The following GRB10 variants were observed in gnomAD, a reference collection of about 807,000 sequenced individuals.
GRB10 encodes growth factor receptor-bound protein 10.
Under a neutral mutation model 80.9 loss-of-function variants are expected in GRB10, and 20 were observed. The observed-to-expected ratio is 0.25, with a 90% confidence interval of 0.17 to 0.36. The LOEUF is 0.36. GRB10 is among the 10% of genes least tolerant of loss of function. The pLI is 1.00. For synonymous variants in GRB10, 291 were observed against 291.5 expected, an observed-to-expected ratio of 1.00 and a Z score of 0.02; for missense variants, 548 against 747.7, an observed-to-expected ratio of 0.73 and a Z score of 3.12.
At chr7:50,752,232 G>A (rs1256107884) in intron 3 of GRB10, among the ~76,000 whole-genome samples, 13 of 152,104 alleles carry the variant, frequency 8.5e-5, no homozygotes, top group Non-Finnish European at 1.9e-4. Flanking sequence ...GAAAAAATGA[G>A]GGGCTACAAA....
At chr7:50,729,487 G>A (rs1587589021) in intron 4 of GRB10, 1 of 152,138 alleles carries the variant, frequency 6.6e-6, no homozygotes, top group Admixed American at 6.5e-5. Context: ...GCTGGACATG[G>A]TTAAGAATTA....
At chr7:50,642,626 T>C (rs181789498) in intron 7 of GRB10, among the ~76,000 whole-genome samples, 1 of 152,316 alleles carries the variant, frequency 6.6e-6, no homozygotes, top group East Asian at 1.9e-4. Context: ...TGGAGCATTT[T>C]GGATTTTCAG....
At chr7:50,638,338 A>C (rs2055466612) in intron 7 of GRB10, among the ~76,000 whole-genome samples, 1 of 152,192 alleles carries the variant, frequency 6.6e-6, no homozygotes, top group Non-Finnish European at 1.5e-5. Context: ...AAATATTTGC[A>C]AATTATGACA....
At chr7:50,672,100 C>T (rs768728832) in intron 6 of GRB10, among the ~76,000 whole-genome samples, 10 of 152,232 alleles carry the variant, frequency 6.6e-5, no homozygotes, top group Non-Finnish European at 8.8e-5. Flanking sequence ...GCTCACCCAT[C>T]GGCTTTCCTA....
At chr7:50,789,593 C>G (rs1015421101) in intron 1 of GRB10, among the ~76,000 whole-genome samples, 1 of 152,144 alleles carries the variant, frequency 6.6e-6, no homozygotes, top group Non-Finnish European at 1.5e-5. Flanking sequence ...CCCCAGCGCC[C>G]GTTCTCAGGC....
rs1366044539 is a variant in GRB10, at chr7:50,592,336, T to C, written c.*616A>G. 1 of 154,782 alleles carries C rather than the reference T, an allele frequency of 6.5e-6. No individual in the cohort carries two copies. The highest frequency in any genetic ancestry group is 2.4e-5 in the African/African-American group (1 of 41,434). 9.6% of individuals were successfully genotyped at this position (154,782 alleles called of 1,614,324 possible). On this transcript the variant is annotated 3_prime_UTR_variant, in exon 19 of 19. Transcript: ENST00000401949. ...CACCTTTTATTTTAACAAGAAAGCT[T>C]TTCAAGTATACTGGGAAGGGCTGGG... is the stretch of plus-strand genomic sequence containing the variant.
chr7:50,618,253 C>T lies in GRB10; in HGVS notation c.778-114G>A, dbSNP rs564577443. The T allele has an allele frequency of 1.3e-5, 10 of 783,222 alleles. No individual in the cohort carries two copies. In the South Asian group the frequency reaches 1.3e-4, roughly 10 times the overall value. 48.5% of individuals were successfully genotyped at this position (783,222 alleles called of 1,614,324 possible). A position where few individuals can be genotyped will look rare whatever the true frequency, so the allele number is the denominator to read the frequency against. On this transcript the variant is annotated intron_variant, in intron 9 of 18. Coordinates refer to ENST00000401949, the MANE Select transcript of GRB10 (RefSeq NM_001350814.2). Reference sequence around the variant, plus strand: ...TTCCTACCAGTATAATTACATACACCTGTATTTAAAATGGCGGTCCTTTTT... The same window carrying T: ...TTCCTACCAGTATAATTACATACACTTGTATTTAAAATGGCGGTCCTTTTT...
chr7:50,759,514 AC>A (rs757493106), intron 2 of GRB10, among the ~76,000 whole-genome samples: 1 of 152,180 alleles, frequency 6.6e-6, no homozygotes, highest in Non-Finnish European at 1.5e-5. Context: ...ACTTCCATTC[AC>A]TTTAAAACAT....
chr7:50,639,550 G>A (rs573450052), intron 7 of GRB10, among the ~76,000 whole-genome samples: 118 of 152,286 alleles, frequency 7.7e-4, no homozygotes, highest in Non-Finnish European at 1.4e-3. Flanking sequence ...GCAGGCGCCT[G>A]TAGTCCCAGC....
rs769545685 is a variant in GRB10 at position 50,732,129 on chromosome 7, T to C, written c.51+143A>G. 8.4e-5 allele frequency: 69 copies of C among 824,422 alleles called. No homozygotes were observed. The Middle Eastern group carries it at 1.0e-3, about 12-fold the overall frequency. 51.1% of individuals were successfully genotyped at this position (824,422 alleles called of 1,614,324 possible). The stretch of plus-strand genomic sequence containing the variant: ...GAAAGGGCAGTGGGCCTCTGCACCA[T>C]GGGACTTGTCACCAGCCCCTGCTCC... On this transcript the variant is annotated intron_variant, in intron 4 of 18. Coordinates refer to ENST00000401949, the MANE Select transcript of GRB10 (RefSeq NM_001350814.2).
chr7:50,716,520 T>C (rs2066896104), intron 4 of GRB10, among the ~76,000 whole-genome samples: 1 of 151,954 alleles, frequency 6.6e-6, no homozygotes, highest in Non-Finnish European at 1.5e-5. Flanking sequence ...GATACAGAAA[T>C]GTCCAAGATG....
intron 2 of GRB10, among the ~76,000 whole-genome samples, chr7:50,764,019 G>A (rs183492653): frequency 7.9e-5 from 12 of 152,342 alleles, no homozygotes; most frequent in African/African-American, 2.4e-4. Context: ...TCCCATGCTG[G>A]AGTCACCTCA....
At chr7:50,709,710 C>G (rs970338482) in intron 4 of GRB10, among the ~76,000 whole-genome samples, 5 of 151,974 alleles carry the variant, frequency 3.3e-5, no homozygotes, top group African/African-American at 1.2e-4. Context: ...AAAAGTGACT[C>G]GTGGGAGGAA....
chr7:50,669,777 C>G lies in GRB10; in HGVS notation c.449G>C (p.Ser150Thr), dbSNP rs545374195. ...AGAACCCGGCGTGAGCACAGGGGGGCTCCCAGGGCCACAGAGTTCAGGAAA... is the reference window on the plus strand; with the variant it reads ...AGAACCCGGCGTGAGCACAGGGGGGGTCCCAGGGCCACAGAGTTCAGGAAA... ...NPFPELCGPG[S>T]PPVLTPGSLP... Residue 150 changes from serine to threonine, a missense_variant, in exon 7 of 19, where the codon AGC (serine) becomes ACC (threonine). Physicochemically the swap from Ser to Thr is moderately conservative, Grantham distance 58 (BLOSUM62 1). Coordinates refer to ENST00000401949, the MANE Select transcript of GRB10 (RefSeq NM_001350814.2). 1.7e-5 allele frequency: 27 copies of G among 1,614,018 alleles called. No individual in the cohort carries two copies. In the South Asian group the frequency reaches 2.2e-4, roughly 13 times the overall value.
intron 8 of GRB10, among the ~76,000 whole-genome samples, chr7:50,619,568 A>G (rs2051283370): frequency 6.6e-6 from 1 of 152,244 alleles, no homozygotes; most frequent in African/African-American, 2.4e-5. Flanking sequence ...TAAGACTCTT[A>G]GCAAATGATT....
intron 2 of GRB10, among the ~76,000 whole-genome samples, chr7:50,776,181 G>A (rs2077618842): frequency 6.6e-6 from 1 of 152,072 alleles, no homozygotes; most frequent in African/African-American, 2.4e-5. Flanking sequence ...TACAACCTGG[G>A]CAAGCTAAAA....
intron 5 of GRB10, among the ~76,000 whole-genome samples, chr7:50,689,486 G>T (rs2062521115): frequency 1.3e-5 from 2 of 152,178 alleles, no homozygotes; most frequent in South Asian, 4.2e-4. Flanking sequence ...AGTCCATGCA[G>T]GTTGTAAGGG....
At chr7:50,746,896 G>C (rs574967248) in intron 3 of GRB10, among the ~76,000 whole-genome samples, 2 of 152,164 alleles carry the variant, frequency 1.3e-5, no homozygotes, top group South Asian at 4.1e-4. Context: ...TCCCTCCCTT[G>C]GGTCCATGAA....
chr7:50,790,968 A>C lies in GRB10; in HGVS notation c.-294+2256T>G, dbSNP rs571735108. Among the ~76,000 whole-genome samples the C allele has an allele frequency of 1.4e-4, 22 of 152,354 alleles. No homozygotes were observed. In the South Asian group the frequency reaches 4.3e-3, roughly 30 times the overall value. ...CTGGAGGCTGAGTAGACACAGACATAGCTCTTTAAACTGGGTCAGGGCTGC... is the reference window on the plus strand; with the variant it reads ...CTGGAGGCTGAGTAGACACAGACATCGCTCTTTAAACTGGGTCAGGGCTGC... On this transcript the variant is annotated intron_variant, in intron 1 of 16. Coordinates refer to the GRB10 transcript ENST00000335866.
Sources: allele counts gnomAD v4.1 joint callset (sites outside exome capture counted in the v4.1 genomes callset), GRCh38; gene constraint gnomAD v4.1.1; transcripts MANE v1.5; gene names NCBI Gene and HGNC (gene_info 2026-07-23, HGNC 2026-07-21).